Variants in MOCOS observed in about 807,000 individuals in gnomAD.
The protein encoded by MOCOS is human molybdenum cofactor sulfurase.
Under a neutral mutation model 83.6 loss-of-function variants are expected in MOCOS, and 86 were observed. The observed-to-expected ratio is 1.03, with a 90% confidence interval of 0.86 to 1.23. MOCOS has a LOEUF of 1.23. Among genes scored for constraint, MOCOS ranks in the 50% most tolerant of loss-of-function variants. The pLI, the probability that MOCOS is intolerant of heterozygous loss-of-function variation, is 0.00. For missense variants in MOCOS, 1,120 were observed against 1,126.9 expected (o/e 0.99, Z 0.09); for synonymous variants, 445 against 434.7 (o/e 1.02, Z -0.29).
At chr18:36,256,499 G>C (rs1247630483) in intron 11 of MOCOS, among the ~76,000 whole-genome samples, 1 of 151,980 alleles carries the variant, frequency 6.6e-6, no homozygotes, top group East Asian at 1.9e-4. Context: ...ACCCAGGCTA[G>C]AGTGCAGTGG....
At chr18:36,198,592 T>C in intron 2 of MOCOS, 98 bp from the exon 3 acceptor site, 1 of 1,210,966 alleles carries the variant, frequency 8.3e-7, no homozygotes, top group Non-Finnish European at 1.2e-6. Flanking sequence ...TAGTTTTATG[T>C]TGAGCTTTTT....
intron 4 of MOCOS, among the ~76,000 whole-genome samples, chr18:36,201,156 C>G (rs900714740): frequency 6.6e-6 from 1 of 152,130 alleles, no homozygotes; most frequent in African/African-American, 2.4e-5. Context: ...CGGAGAAGGC[C>G]TGGGGCATAG....
chr18:36,269,525 T>C lies in MOCOS; in HGVS notation c.*840T>C, dbSNP rs771845025. Reference sequence around the variant, plus strand: ...TGCTCCTGCAGCCTCCAGATGAAAATGTCCAGTGAGGAAATCTCATTCTCT... The same window carrying C: ...TGCTCCTGCAGCCTCCAGATGAAAACGTCCAGTGAGGAAATCTCATTCTCT... On this transcript the variant is annotated 3_prime_UTR_variant, in exon 15 of 15. Transcript: ENST00000261326. 3 of 152,238 alleles carry C rather than the reference T, an allele frequency of 2.0e-5. No individual in the cohort carries two copies. Among genetic ancestry groups the C allele is most frequent in the Non-Finnish European group, 2.9e-5 (2 of 68,088 alleles). The allele number at this position is 152,238 out of a possible 1,614,324, so 9.4% of individuals were successfully genotyped here.
chr18:36,220,839 G>C (rs1249384083), intron 9 of MOCOS, among the ~76,000 whole-genome samples: 1 of 151,918 alleles, frequency 6.6e-6, no homozygotes, highest in African/African-American at 2.4e-5. Flanking sequence ...TGAGGCAGGA[G>C]TATCGCTTGA....
chr18:36,227,079 T>C (rs2091518783), intron 9 of MOCOS, among the ~76,000 whole-genome samples: 1 of 151,954 alleles, frequency 6.6e-6, no homozygotes, highest in Non-Finnish European at 1.5e-5. Flanking sequence ...TGGCTAATTT[T>C]TGTATTTTTT....
intron 6 of MOCOS, among the ~76,000 whole-genome samples, chr18:36,212,814 C>T (rs1015533975): frequency 9.8e-5 from 15 of 152,326 alleles, no homozygotes; most frequent in African/African-American, 3.6e-4. Flanking sequence ...AGTGACTCCT[C>T]CTCCTGAATT....
At chr18:36,254,501 TAG>T (rs57765304) in intron 11 of MOCOS, among the ~76,000 whole-genome samples, 56,009 of 144,012 alleles carry the variant, frequency 0.39, 11,286 homozygotes, top group Admixed American at 0.49. Context: ...TGTGTGTGTA[TAG>T]AGAGAGAGAG....
chr18:36,194,750 C>T (rs114131280), intron 1 of MOCOS, among the ~76,000 whole-genome samples: 20 of 152,302 alleles, frequency 1.3e-4, no homozygotes, highest in African/African-American at 4.3e-4. Context: ...CAGTAATCCG[C>T]GGTATCTCAT....
chr18:36,195,193 T>C, intron 1 of MOCOS, 64 bp from the exon 2 acceptor site: 1 of 1,361,374 alleles, frequency 7.3e-7, no homozygotes, highest in East Asian at 2.3e-5. Context: ...TAGATGACAT[T>C]GGTTGGGCTT....
rs1353407310 is a variant in MOCOS, at chr18:36,272,101, TA to T, written c.*3417del. On this transcript the variant is annotated 3_prime_UTR_variant, in exon 15 of 15. Transcript: ENST00000261326. ...CATGAGTGTTGGTTGTATTATTCTT[TA>T]TTTTTTTGTATGACTTATGATATTC... 6.6e-6 allele frequency: 1 copy of T among 152,230 alleles called. No homozygotes were observed. The highest frequency in any genetic ancestry group is 1.9e-4 in the East Asian group (1 of 5,196). The allele number at this position is 152,230 out of a possible 1,614,324, so 9.4% of individuals were successfully genotyped here.
intron 6 of MOCOS, among the ~76,000 whole-genome samples, chr18:36,206,963 T>A (rs775482438): frequency 1.3e-5 from 2 of 152,180 alleles, no homozygotes; most frequent in Non-Finnish European, 1.5e-5. Context: ...TTTGCCTTTA[T>A]GGTAGGATGA....
chr18:36,268,666 A>G lies in MOCOS; in HGVS notation c.2648A>G (p.His883Arg). The G allele has an allele frequency of 6.2e-7, 1 of 1,611,564 alleles. No individual in the cohort carries two copies. Among genetic ancestry groups the G allele is most frequent in the South Asian group, 1.1e-5 (1 of 90,960 alleles). Residue 883 changes from histidine to arginine, a missense_variant, in exon 15 of 15, where the codon CAC becomes CGC. Physicochemically the swap from His to Arg is conservative, Grantham distance 29. Transcript: ENST00000261326. Reference protein sequence around the residue: ...EGHDLPASEKHQDVTS With the variant: ...EGHDLPASEKRQDVTS The stretch of plus-strand genomic sequence containing the variant: ...CATGATTTACCTGCATCTGAGAAAC[A>G]CCAGGATGTTACCTCCTAAAAAAAA...
In MOCOS at chr18:36,199,881, T is replaced by C. The variant is rs376781609; in HGVS notation, c.498T>C (p.Asn166=). 7 of 1,613,802 alleles carry C rather than the reference T, an allele frequency of 4.3e-6. No individual in the cohort carries two copies. The highest frequency in any genetic ancestry group is 1.1e-5 in the South Asian group (1 of 91,014). Residue 166 remains asparagine, a synonymous_variant, in exon 4 of 15, where the codon AAT becomes AAC. Coordinates refer to ENST00000261326, the MANE Select transcript of MOCOS (RefSeq NM_017947.4). ...VGMRNVTMAI[N]VISTPVRPED... ...TGCGGAACGTGACCATGGCTATAAA[T>C]GTCATATCCACCCCGGTCAGGCCAG...
chr18:36,234,600 G>C (rs1203522897), intron 9 of MOCOS, among the ~76,000 whole-genome samples: 1 of 152,026 alleles, frequency 6.6e-6, no homozygotes, highest in East Asian at 1.9e-4. Flanking sequence ...GAATTGCACT[G>C]AATTTGTATA....
rs562132424 is a variant in MOCOS at position 36,211,862 on chromosome 18, G to A, written c.1219-1504G>A. Among the ~76,000 whole-genome samples the A allele has an allele frequency of 3.2e-4, 49 of 151,466 alleles. 1 individual carries two copies. The highest frequency in any genetic ancestry group is 1.8e-4 in the Non-Finnish European group (12 of 68,018). On this transcript the variant is annotated intron_variant, in intron 6 of 14. Transcript: ENST00000261326. ...ACTCGCTCATAGCTAACAGAGTGCC[G>A]GGAGGATGACACTGCATGGCTTCTA... is the stretch of plus-strand genomic sequence containing the variant.
chr18:36,219,025 A>G (rs2144920359), intron 8 of MOCOS, among the ~76,000 whole-genome samples: 1 of 150,182 alleles, frequency 6.7e-6, no homozygotes, highest in South Asian at 2.1e-4. Flanking sequence ...CCTGCCATCA[A>G]GCCCGGCTAA....
intron 6 of MOCOS, among the ~76,000 whole-genome samples, chr18:36,209,438 C>T (rs2144910280): frequency 1.3e-5 from 2 of 152,280 alleles, no homozygotes; most frequent in East Asian, 3.9e-4. Context: ...GCATCCGTCA[C>T]TTAAGCAGTG....
At chr18:36,258,312 T>C (rs1312393337) in intron 12 of MOCOS, among the ~76,000 whole-genome samples, 1 of 152,154 alleles carries the variant, frequency 6.6e-6, no homozygotes, top group Non-Finnish European at 1.5e-5. Context: ...ATTTGCAAAT[T>C]TGAGGGACTC....
intron 6 of MOCOS, among the ~76,000 whole-genome samples, chr18:36,206,244 CTT>C (rs71166102): frequency 1.3e-4 from 13 of 103,640 alleles, no homozygotes; most frequent in East Asian, 1.2e-3. Flanking sequence ...TTTCTTCCAA[CTT>C]TTTTTTTTTT....
Sources: gnomAD v4.1 joint callset for allele counts (sites outside exome capture counted in the v4.1 genomes callset) on GRCh38, gnomAD v4.1.1 for gene constraint, MANE v1.5 for transcripts, NCBI Gene and HGNC (gene_info 2026-07-23, HGNC 2026-07-21) for gene names.